Variants in KCNH7 observed in about 807,000 individuals in gnomAD.
KCNH7 encodes the protein voltage-gated inwardly rectifying potassium channel KCNH7.
In KCNH7, 49 loss-of-function variants were observed where a neutral mutation model predicts 120.8. The observed-to-expected ratio is 0.41, with a 90% CI of 0.32 to 0.51. KCNH7 has a LOEUF of 0.51. Among genes scored for constraint, KCNH7 ranks in the 20% least tolerant of loss-of-function variants. The pLI, the probability that KCNH7 is intolerant of heterozygous loss-of-function variation, is 0.38. For synonymous variants in KCNH7, 547 were observed against 516.1 expected, an observed-to-expected ratio of 1.06 and a Z score of -0.81; for missense variants, 1,097 against 1,446.6, an observed-to-expected ratio of 0.76 and a Z score of 3.92.
chr2:162,510,124 A>G, intron 5 of KCNH7, among the ~76,000 whole-genome samples: 1 of 151,626 alleles, frequency 6.6e-6, no homozygotes, highest in Non-Finnish European at 1.5e-5. Flanking sequence ...ACATATGTAT[A>G]TGCAGGATGT....
At chr2:162,556,486 A>G (rs901240591) in intron 2 of KCNH7, among the ~76,000 whole-genome samples, 6 of 152,252 alleles carry the variant, frequency 3.9e-5, no homozygotes, top group South Asian at 2.1e-4. Context: ...CCTAGTATGT[A>G]TTACTTTTAT....
chr2:162,490,735 C>T (rs1333300207), intron 6 of KCNH7, among the ~76,000 whole-genome samples: 1 of 152,188 alleles, frequency 6.6e-6, no homozygotes, highest in African/African-American at 2.4e-5. Flanking sequence ...GAATGTCAGC[C>T]TCTTTGCAAT....
At chr2:162,764,755 C>G (rs550993921) in intron 2 of KCNH7, among the ~76,000 whole-genome samples, 1 of 152,234 alleles carries the variant, frequency 6.6e-6, no homozygotes, top group African/African-American at 2.4e-5. Flanking sequence ...ACATAAATAT[C>G]TTTAAGCAGA....
At chr2:162,607,615 A>T (rs1186834043) in intron 2 of KCNH7, among the ~76,000 whole-genome samples, 1 of 152,166 alleles carries the variant, frequency 6.6e-6, no homozygotes, top group African/African-American at 2.4e-5. Flanking sequence ...AAAATTGTGA[A>T]TTATTACCTA....
intron 9 of KCNH7, among the ~76,000 whole-genome samples, chr2:162,417,359 T>G (rs1231814082): frequency 6.6e-6 from 1 of 152,182 alleles, no homozygotes. Flanking sequence ...TCAAGTGATC[T>G]GAAACTGAAT....
At chr2:162,775,631 C>A (rs1418463440) in intron 2 of KCNH7, among the ~76,000 whole-genome samples, 1 of 152,096 alleles carries the variant, frequency 6.6e-6, no homozygotes, top group African/African-American at 2.4e-5. Context: ...ATTTTTAGGA[C>A]CAAGATGATT....
At chr2:162,724,913 T>C (rs1359126634) in intron 2 of KCNH7, among the ~76,000 whole-genome samples, 1 of 152,202 alleles carries the variant, frequency 6.6e-6, no homozygotes, top group Non-Finnish European at 1.5e-5. Flanking sequence ...TCCTATGCAG[T>C]ATCCCCGAAA....
chr2:162,523,849 CT>C (rs1438488400), intron 3 of KCNH7, among the ~76,000 whole-genome samples: 3 of 151,862 alleles, frequency 2.0e-5, no homozygotes, highest in Non-Finnish European at 4.4e-5. Flanking sequence ...CATATTTTTA[CT>C]GCAAAAACCC....
chr2:162,768,428 A>G (rs1682909899), intron 2 of KCNH7, among the ~76,000 whole-genome samples: 1 of 152,156 alleles, frequency 6.6e-6, no homozygotes, highest in Admixed American at 6.6e-5. Flanking sequence ...TTTACCTCTG[A>G]AGTCAAAAGT....
intron 13 of KCNH7, 77 bp downstream of exon 13, chr2:162,384,611 A>G (rs773582491): frequency 9.8e-6 from 13 of 1,329,744 alleles, no homozygotes; most frequent in South Asian, 5.2e-5. Flanking sequence ...GTGTCAGTAC[A>G]GTTCTTAATT....
chr2:162,413,124 A>T (rs1687438435), intron 9 of KCNH7, among the ~76,000 whole-genome samples: 1 of 151,976 alleles, frequency 6.6e-6, no homozygotes, highest in South Asian at 2.1e-4. Flanking sequence ...TGCTAAACAC[A>T]AACCATTTTT....
intron 8 of KCNH7, among the ~76,000 whole-genome samples, chr2:162,430,310 G>A (rs1042902573): frequency 6.6e-6 from 1 of 151,920 alleles, no homozygotes; most frequent in African/African-American, 2.4e-5. Flanking sequence ...TTCTTTGCTG[G>A]GTTTTTGGGA....
At chr2:162,499,704 C>T (rs918358687) in intron 6 of KCNH7, among the ~76,000 whole-genome samples, 3 of 152,064 alleles carry the variant, frequency 2.0e-5, no homozygotes, top group African/African-American at 7.2e-5. Flanking sequence ...CTTAATCCCA[C>T]GCAATACCCT....
In KCNH7 at chr2:162,504,475, G is replaced by A. The variant is rs1232302531; in HGVS notation, c.1096C>T (p.Arg366Ter). The A allele has an allele frequency of 1.9e-6, 3 of 1,612,764 alleles. No individual in the cohort carries two copies. Among genetic ancestry groups the A allele is most frequent in the Non-Finnish European group, 2.5e-6 (3 of 1,179,158 alleles). The change falls in exon 6 of 16, where the codon CGA becomes TGA. Residue 366 changes from arginine to a stop codon, truncating the protein, a stop_gained. Coordinates refer to ENST00000332142, the MANE Select transcript of KCNH7 (RefSeq NM_033272.4). LOFTEE classifies it high-confidence loss of function. ...ACTTTCTCAGTCACATTGTGTGTTC[G>A]ATCTTTAACCTTGGGTGCAATAATG... The part of the protein sequence containing the change: ...KTIIAPKVKD[R>*]THNVTEKVTQ...
At chr2:162,407,691 C>T (rs1030083510) in intron 9 of KCNH7, among the ~76,000 whole-genome samples, 1 of 151,948 alleles carries the variant, frequency 6.6e-6, no homozygotes. Context: ...GACCTCTCCT[C>T]CTTGCCCCTG....
At chr2:162,653,343 TA>T (rs1446803517) in intron 2 of KCNH7, among the ~76,000 whole-genome samples, 4 of 152,136 alleles carry the variant, frequency 2.6e-5, no homozygotes, top group Non-Finnish European at 5.9e-5. Context: ...CAGATTTCAC[TA>T]AAAAACTATT....
In KCNH7 at chr2:162,571,832, T is replaced by G. The variant is rs1192372783; in HGVS notation, c.308-34752A>C. Among the ~76,000 whole-genome samples the G allele has an allele frequency of 6.6e-5, 10 of 151,356 alleles. No individual in the cohort carries two copies. The East Asian group carries it at 1.9e-3, about 29-fold the overall frequency. ...ATTTAATACATGGTGCTGGGAAAAC[T>G]GGCTAGCCATATGTAGAAAGCTGAA... On this transcript the variant is annotated intron_variant, in intron 2 of 15. Coordinates refer to ENST00000332142, the MANE Select transcript of KCNH7 (RefSeq NM_033272.4).
At chr2:162,645,859 C>T (rs1436406752) in intron 2 of KCNH7, among the ~76,000 whole-genome samples, 1 of 152,118 alleles carries the variant, frequency 6.6e-6, no homozygotes, top group Non-Finnish European at 1.5e-5. Context: ...AAAGTTTTTA[C>T]ATTGCTGTCC....
intron 14 of KCNH7, among the ~76,000 whole-genome samples, chr2:162,376,779 A>C (rs1686210225): frequency 6.6e-6 from 1 of 152,198 alleles, no homozygotes; most frequent in African/African-American, 2.4e-5. Flanking sequence ...CCCCCAAGTG[A>C]TTCAAATACA....
Sources: gnomAD v4.1 joint callset for allele counts (sites outside exome capture counted in the v4.1 genomes callset) on GRCh38, gnomAD v4.1.1 for gene constraint, MANE v1.5 for transcripts, NCBI Gene and HGNC (gene_info 2026-07-23, HGNC 2026-07-21) for gene names.